Variants in ASH1L observed in about 807,000 individuals in gnomAD.
The protein encoded by ASH1L is ASH1 like histone lysine methyltransferase, also known as histone-lysine N-methyltransferase ASH1L.
Under a neutral mutation model 269.0 loss-of-function variants are expected in ASH1L, and 23 were observed. The ratio of observed to expected loss-of-function variants is 0.09; its 90% confidence interval spans 0.06 to 0.12. The LOEUF is 0.12. ASH1L is among the 10% of genes least tolerant of loss of function. The pLI, the probability that ASH1L is intolerant of heterozygous loss-of-function variation, is 1.00. For missense variants in ASH1L, 2,912 were observed against 3,567.8 expected (o/e 0.82, Z 4.68); for synonymous variants, 1,187 against 1,253.5 (o/e 0.95, Z 1.12).
chr1:155,513,646 T>C (rs551552275), intron 2 of ASH1L, among the ~76,000 whole-genome samples: 44 of 150,558 alleles, frequency 2.9e-4, no homozygotes, highest in Admixed American at 1.1e-3. Context: ...ACCAAAAAAA[T>C]TGCAATACGA....
intron 10 of ASH1L, 120 bp from the exon 11 acceptor site, chr1:155,371,103 G>T: frequency 1.2e-6 from 1 of 804,102 alleles, no homozygotes; most frequent in Non-Finnish European, 2.0e-6. Flanking sequence ...TTTAATAAAA[G>T]TACCCGAATC....
intron 6 of ASH1L, among the ~76,000 whole-genome samples, chr1:155,405,441 C>T (rs777409514): frequency 9.2e-5 from 14 of 152,148 alleles, no homozygotes; most frequent in Admixed American, 6.5e-4. Flanking sequence ...GAGATGAAGC[C>T]GCTGCCCTCA....
chr1:155,551,365 T>C (rs1461516904), intron 1 of ASH1L, among the ~76,000 whole-genome samples: 1 of 152,140 alleles, frequency 6.6e-6, no homozygotes, highest in Non-Finnish European at 1.5e-5. Context: ...CTTGAGTCTA[T>C]CTTAAGAATC....
chr1:155,385,927 G>A (rs1472382780), intron 7 of ASH1L, among the ~76,000 whole-genome samples: 1 of 152,114 alleles, frequency 6.6e-6, no homozygotes, highest in Non-Finnish European at 1.5e-5. Context: ...ACATTGTGGT[G>A]GGGTAGTTAT....
At chr1:155,403,440 T>C (rs1014006323) in intron 6 of ASH1L, among the ~76,000 whole-genome samples, 1 of 152,224 alleles carries the variant, frequency 6.6e-6, no homozygotes, top group African/African-American at 2.4e-5. Context: ...AACTATGCTA[T>C]TGACTAACTG....
intron 4 of ASH1L, among the ~76,000 whole-genome samples, chr1:155,458,607 C>T (rs1664040150): frequency 6.6e-6 from 1 of 152,096 alleles, no homozygotes; most frequent in Non-Finnish European, 1.5e-5. Flanking sequence ...ATTCCAGCTA[C>T]TCAGGAGGCT....
intron 2 of ASH1L, among the ~76,000 whole-genome samples, chr1:155,518,002 G>GTTTT (rs1668618824): frequency 6.6e-6 from 1 of 151,312 alleles, no homozygotes. Flanking sequence ...GGGTTTCACC[G>GTTTT]TTTTAGCCGG....
At position 155,425,588 on chromosome 1, in the gene ASH1L, G is replaced by A. The variant is rs557087879; in HGVS notation, c.5829-9665C>T. The stretch of plus-strand genomic sequence containing the variant: ...TAAGTAGCTGGGATTACAGGCATGT[G>A]CCACCATGCTTAATTTTTTGTATTT... On this transcript the variant is annotated intron_variant, in intron 5 of 27. Coordinates refer to ENST00000392403, the MANE Select transcript of ASH1L (RefSeq NM_018489.3). Among the ~76,000 whole-genome samples, 10 of 151,764 alleles carry A rather than the reference G, an allele frequency of 6.6e-5. No homozygotes were observed. In the East Asian group the frequency reaches 1.8e-3, roughly 27 times the overall value.
intron 2 of ASH1L, among the ~76,000 whole-genome samples, chr1:155,516,493 T>C (rs1668511265): frequency 6.6e-6 from 1 of 152,184 alleles, no homozygotes; most frequent in Non-Finnish European, 1.5e-5. Context: ...ATACAAAACC[T>C]ACATGCCAAA....
intron 1 of ASH1L, among the ~76,000 whole-genome samples, chr1:155,544,286 C>T (rs1437127918): frequency 1.3e-5 from 2 of 151,434 alleles, no homozygotes; most frequent in African/African-American, 2.4e-5. Flanking sequence ...GGTGGAGAAA[C>T]CCCCTTTTTT....
intron 1 of ASH1L, among the ~76,000 whole-genome samples, chr1:155,532,875 ATATATGTATATATATATGTATGTATG>A (rs1669772505): frequency 6.7e-6 from 1 of 148,970 alleles, no homozygotes; most frequent in Non-Finnish European, 1.5e-5. Context: ...ATATGTGTAT[ATATATGTATATATATATGTATGTATG>A]TATATGTATG....
intron 2 of ASH1L, among the ~76,000 whole-genome samples, chr1:155,506,826 G>C (rs1404358081): frequency 1.3e-5 from 2 of 152,082 alleles, no homozygotes; most frequent in Non-Finnish European, 2.9e-5. Context: ...GGGTATGGTG[G>C]CTCACACCTG....
chr1:155,531,789 T>C (rs940239809), intron 1 of ASH1L, among the ~76,000 whole-genome samples: 3 of 152,166 alleles, frequency 2.0e-5, no homozygotes, highest in Admixed American at 1.3e-4. Flanking sequence ...AAACCCCACA[T>C]ACCAAATTTA....
At chr1:155,454,765 T>C (rs978836408) in intron 4 of ASH1L, among the ~76,000 whole-genome samples, 1 of 151,740 alleles carries the variant, frequency 6.6e-6, no homozygotes, top group African/African-American at 2.4e-5. Context: ...CGAGACTCTG[T>C]CAAAAATAAT....
At chr1:155,524,390 C>T (rs932778121) in intron 1 of ASH1L, among the ~76,000 whole-genome samples, 3 of 151,658 alleles carry the variant, frequency 2.0e-5, no homozygotes, top group Admixed American at 2.0e-4. Flanking sequence ...GGCGTGGTGG[C>T]GGGTGCCTGT....
chr1:155,523,170 T>C (rs898562182), intron 1 of ASH1L, among the ~76,000 whole-genome samples: 7 of 152,162 alleles, frequency 4.6e-5, no homozygotes, highest in Non-Finnish European at 1.0e-4. Context: ...TTTTAAACGA[T>C]GTGCCCTGAG....
intron 3 of ASH1L, among the ~76,000 whole-genome samples, chr1:155,468,241 T>TTC (rs1553262552): frequency 6.6e-6 from 1 of 151,408 alleles, no homozygotes; most frequent in Non-Finnish European, 1.5e-5. Context: ...ATTTTTTTTT[T>TTC]CTGCTTAGAT....
chr1:155,412,527 C>T (rs561377434), intron 6 of ASH1L, among the ~76,000 whole-genome samples: 2 of 152,308 alleles, frequency 1.3e-5, no homozygotes, highest in African/African-American at 4.8e-5. Flanking sequence ...GGAATGAAAG[C>T]TCTATGCTCC....
At chr1:155,401,294 T>C (rs1191551612) in intron 6 of ASH1L, among the ~76,000 whole-genome samples, 1 of 151,388 alleles carries the variant, frequency 6.6e-6, no homozygotes, top group African/African-American at 2.4e-5. Flanking sequence ...CTGGCCAACA[T>C]GGTGAAATCC....
Sources: allele counts gnomAD v4.1 joint callset (sites outside exome capture counted in the v4.1 genomes callset), GRCh38; gene constraint gnomAD v4.1.1; transcripts MANE v1.5; gene names NCBI Gene and HGNC (gene_info 2026-07-23, HGNC 2026-07-21).